MICU3: variants seen among roughly 807,000 people sequenced by gnomAD.
The protein encoded by MICU3 is mitochondrial calcium uptake 3.
In MICU3, 62 loss-of-function variants were observed where a neutral mutation model predicts 66.5. The ratio of observed to expected loss-of-function variants is 0.93; its 90% CI spans 0.76 to 1.15. The LOEUF (loss-of-function observed/expected upper bound fraction) is 1.15, where lower values mean the gene tolerates loss of function less well. Ranked by LOEUF, MICU3 falls within the 50% of genes most tolerant of loss-of-function variation. MICU3 has a pLI of 0.00. For missense variants in MICU3, 779 were observed against 664.4 expected, an observed-to-expected ratio of 1.17 and a Z score of -1.90; for synonymous variants, 308 against 240.7, an observed-to-expected ratio of 1.28 and a Z score of -2.59.
At chr8:17,044,455 G>A (rs1241604921) in intron 1 of MICU3, among the ~76,000 whole-genome samples, 1 of 152,186 alleles carries the variant, frequency 6.6e-6, no homozygotes, top group Non-Finnish European at 1.5e-5. Context: ...TAGGAGAGCA[G>A]AGTAGCTCCC....
intron 1 of MICU3, among the ~76,000 whole-genome samples, chr8:17,060,209 C>T (rs1396828984): frequency 1.3e-5 from 2 of 152,154 alleles, no homozygotes; most frequent in African/African-American, 2.4e-5. Context: ...ATTCTCCATC[C>T]AGATGAGCTG....
At chr8:17,028,687 C>G (rs62503717) in intron 1 of MICU3, among the ~76,000 whole-genome samples, 16,561 of 152,160 alleles carry the variant, frequency 0.11, 967 homozygotes, top group South Asian at 0.23. Flanking sequence ...GTTACGGAAT[C>G]TGCTTTATGG....
At chr8:17,089,945 C>T (rs1799871472) in intron 7 of MICU3, among the ~76,000 whole-genome samples, 1 of 152,020 alleles carries the variant, frequency 6.6e-6, no homozygotes, top group Non-Finnish European at 1.5e-5. Flanking sequence ...AACTGTGATT[C>T]AGAAGGGAAA....
intron 1 of MICU3, among the ~76,000 whole-genome samples, chr8:17,037,115 G>A (rs10104408): frequency 0.15 from 22,742 of 152,006 alleles, 3,485 homozygotes; most frequent in African/African-American, 0.39. Flanking sequence ...CTCCGACTGC[G>A]GGGCCTGCCA....
Position 17,027,385 on chromosome 8 carries a change from C to A in MICU3, c.106C>A (p.Leu36Met). ...GPWGRPAVTT[L>M]GLPGRPFSSR... is the part of the protein sequence containing the mutation. Reference sequence around the variant, plus strand: ...GTGGGGGCGGCCTGCGGTGACCACCCTGGGCCTTCCTGGCCGGCCCTTCTC... The same window carrying A: ...GTGGGGGCGGCCTGCGGTGACCACCATGGGCCTTCCTGGCCGGCCCTTCTC... Residue 36 changes from leucine (L) to methionine (M), a missense_variant, in exon 1 of 15, where the codon CTG becomes ATG. Coordinates refer to ENST00000318063, the MANE Select transcript of MICU3 (RefSeq NM_181723.3). The A allele has an allele frequency of 3.4e-6, 5 of 1,454,864 alleles. No individual in the cohort carries two copies. The highest frequency in any genetic ancestry group is 2.7e-5 in the Admixed American group (1 of 37,400). The allele number at this position is 1,454,864 out of a possible 1,614,324, so 90.1% of individuals were successfully genotyped here.
At chr8:17,133,354 T>C in the MICU3 span, among the ~76,000 whole-genome samples, 1 of 152,204 alleles carries the variant, frequency 6.6e-6, no homozygotes, top group Non-Finnish European at 1.5e-5. Context: ...TTTTTGTTAT[T>C]TATGGGTTAT....
rs1038672242 is a variant in MICU3 at position 17,122,272 on chromosome 8, A to G, written c.*1985A>G. 3 of 151,872 alleles carry G rather than the reference A, an allele frequency of 2.0e-5. No individual in the cohort carries two copies. The highest frequency in any genetic ancestry group is 7.2e-5 in the African/African-American group (3 of 41,446). 9.4% of individuals were successfully genotyped at this position (151,872 alleles called of 1,614,324 possible). On this transcript the variant is annotated 3_prime_UTR_variant, in exon 15 of 15. Coordinates refer to ENST00000318063, the MANE Select transcript of MICU3 (RefSeq NM_181723.3). ...AAATTACAGTGATTTCCATCATATT[A>G]TCACTCTTGAATTTTATCATCTATA...
chr8:17,087,613 C>T (rs946838862), intron 7 of MICU3, among the ~76,000 whole-genome samples: 3 of 151,986 alleles, frequency 2.0e-5, no homozygotes, highest in Non-Finnish European at 4.4e-5. Context: ...ATAAAAATAA[C>T]AAACAGGTAC....
intron 1 of MICU3, among the ~76,000 whole-genome samples, chr8:17,063,102 A>T (rs2150626508): frequency 6.6e-6 from 1 of 152,296 alleles, no homozygotes; most frequent in Non-Finnish European, 1.5e-5. Flanking sequence ...ATGGCCCCGA[A>T]GTTTTAGTAA....
chr8:17,127,934 G>A, the MICU3 span, among the ~76,000 whole-genome samples: 1 of 152,130 alleles, frequency 6.6e-6, no homozygotes, highest in Non-Finnish European at 1.5e-5. Flanking sequence ...GTAGCCAGGA[G>A]TGGAAACTAT....
intron 1 of MICU3, among the ~76,000 whole-genome samples, chr8:17,036,724 C>G (rs1029312683): frequency 6.6e-6 from 1 of 152,234 alleles, no homozygotes; most frequent in East Asian, 1.9e-4. Context: ...CTCCACGTCC[C>G]CACCAGACTC....
chr8:17,065,816 T>TAA (rs1236766514), intron 2 of MICU3, among the ~76,000 whole-genome samples: 1 of 152,174 alleles, frequency 6.6e-6, no homozygotes, highest in Non-Finnish European at 1.5e-5. Context: ...AGGACTCTCT[T>TAA]ACAATATTTG....
chr8:17,046,801 C>G lies in MICU3; in HGVS notation c.382-17283C>G, dbSNP rs550449806. Among the ~76,000 whole-genome samples, 18 of 152,158 alleles carry G rather than the reference C, an allele frequency of 1.2e-4. 1 individual carries two copies. In the South Asian group the frequency reaches 3.7e-3, roughly 32 times the overall value. ...TGATGACATGAAACCTGCAAATTTC[C>G]TCCTGGGCTCAGAGTAGAAAAGAAG... is the stretch of plus-strand genomic sequence containing the variant. On this transcript the variant is annotated intron_variant, in intron 1 of 14. Transcript: ENST00000318063.
At chr8:17,066,090 G>T (rs1028683292) in intron 2 of MICU3, among the ~76,000 whole-genome samples, 3 of 151,226 alleles carry the variant, frequency 2.0e-5, no homozygotes, top group Non-Finnish European at 2.9e-5. Context: ...TTTTATTTAC[G>T]AATTTTAAGG....
chr8:17,077,436 A>C (rs1820539588), intron 3 of MICU3, among the ~76,000 whole-genome samples: 1 of 152,162 alleles, frequency 6.6e-6, no homozygotes, highest in South Asian at 2.1e-4. Flanking sequence ...ATGTTTTTCC[A>C]TGATTTTCCT....
the MICU3 span, among the ~76,000 whole-genome samples, chr8:17,130,227 A>C: frequency 6.6e-6 from 1 of 152,184 alleles, no homozygotes; most frequent in African/African-American, 2.4e-5. Context: ...CCTTAAGTGT[A>C]TAAAAAGGCA....
Position 17,036,139 on chromosome 8 carries a change from G to C in MICU3, c.381+8479G>C, listed in dbSNP as rs577300960. 3.3e-5 allele frequency among the ~76,000 whole-genome samples: 5 copies of C among 152,194 alleles called. No individual in the cohort carries two copies. In the East Asian group the frequency reaches 7.7e-4, roughly 24 times the overall value. On this transcript the variant is annotated intron_variant, in intron 1 of 14. Transcript: ENST00000318063. ...ATGTGTTCGGAGTTTCTTCCTTCTG[G>C]TGGGTTCGTGGTCTCGCTGGCTCAA...
rs969538121 is a variant in MICU3, at chr8:17,122,026, G to A, written c.*1739G>A. ...TTGACTATAAGTTATACTATGTTGCGTACATGGCAAATCCTGCAAATATAG... is the reference window on the plus strand; with the variant it reads ...TTGACTATAAGTTATACTATGTTGCATACATGGCAAATCCTGCAAATATAG... On this transcript the variant is annotated 3_prime_UTR_variant, in exon 15 of 15. Coordinates refer to ENST00000318063, the MANE Select transcript of MICU3 (RefSeq NM_181723.3). The A allele has an allele frequency of 5.3e-5, 8 of 151,770 alleles. No homozygotes were observed. The highest frequency in any genetic ancestry group is 1.7e-4 in the African/African-American group (7 of 41,490). 9.4% of individuals were successfully genotyped at this position (151,770 alleles called of 1,614,324 possible). A position where few individuals can be genotyped will look rare whatever the true frequency, so the allele number is the denominator to read the frequency against.
Position 17,027,638 on chromosome 8 carries a change from C to T in MICU3, c.359C>T (p.Pro120Leu). ...PPRGRGMLPIPVAAAKETVAI... is the reference protein window; with the variant it reads ...PPRGRGMLPILVAAAKETVAI... Reference sequence around the variant, plus strand: ...CGCGGCCGGGGGATGCTGCCCATCCCAGTGGCGGCTGCCAAGGAGACGGTG... The same window carrying T: ...CGCGGCCGGGGGATGCTGCCCATCCTAGTGGCGGCTGCCAAGGAGACGGTG... The change falls in exon 1 of 15, where the codon CCA becomes CTA. Residue 120 changes from proline to leucine, a missense_variant. Pro to Leu is a moderately conservative substitution (Grantham distance 98). Transcript: ENST00000318063. 3 of 1,304,758 alleles carry T rather than the reference C, an allele frequency of 2.3e-6. No homozygotes were observed. Among genetic ancestry groups the T allele is most frequent in the Non-Finnish European group, 2.9e-6 (3 of 1,029,774 alleles). 80.8% of individuals were successfully genotyped at this position (1,304,758 alleles called of 1,614,324 possible).
Sources: gnomAD v4.1 joint callset for allele counts (sites outside exome capture counted in the v4.1 genomes callset) on GRCh38, gnomAD v4.1.1 for gene constraint, MANE v1.5 for transcripts, NCBI Gene and HGNC (gene_info 2026-07-23, HGNC 2026-07-21) for gene names.